The following FBN2 variants were observed in gnomAD, a reference collection of about 807,000 sequenced individuals.
FBN2 encodes fibrillin 2.
In FBN2, 105 loss-of-function variants were observed where a neutral mutation model predicts 355.6. That is an observed-to-expected ratio of 0.30 (90% CI 0.25 to 0.35). The LOEUF (loss-of-function observed/expected upper bound fraction) is 0.35. Ranked by LOEUF, FBN2 falls within the 10% of genes least tolerant of loss-of-function variation. FBN2 has a pLI of 1.00. For synonymous variants in FBN2, 1,350 were observed against 1,301.2 expected (o/e 1.04, Z -0.81); for missense variants, 3,280 against 3,758.7 (o/e 0.87, Z 3.33).
intron 25 of FBN2, among the ~76,000 whole-genome samples, chr5:128,342,800 C>T (rs1382955874): frequency 6.6e-6 from 1 of 151,692 alleles, no homozygotes; most frequent in East Asian, 1.9e-4. Context: ...ACGATCTCGG[C>T]TCACCAAAAC....
At chr5:128,446,725 AGT>A (rs1271931727) in intron 6 of FBN2, 119 bp from the exon 7 acceptor site, 10 of 1,062,458 alleles carry the variant, frequency 9.4e-6, no homozygotes, top group Non-Finnish European at 1.2e-5. Context: ...TTCTCAAGAG[AGT>A]GGGGTTAGAG....
intron 4 of FBN2, 117 bp downstream of exon 4, chr5:128,527,755 G>C: frequency 1.4e-6 from 1 of 734,450 alleles, no homozygotes. Context: ...TTAAGGTATG[G>C]TTTACTACAT....
rs769593495 is a variant in FBN2 at position 128,464,762 on chromosome 5, C to G, written c.788G>C (p.Arg263Pro). 1.2e-6 allele frequency: 2 copies of G among 1,613,926 alleles called. No individual in the cohort carries two copies. The highest frequency in any genetic ancestry group is 1.7e-6 in the Non-Finnish European group (2 of 1,180,012). Reference sequence around the variant, plus strand: ...AGTGCGGATGTTGGGGATGAAACCCCGTCGGCAGGGCTGAGGCTGGGCTGG... The same window carrying G: ...AGTGCGGATGTTGGGGATGAAACCCGGTCGGCAGGGCTGAGGCTGGGCTGG... ...MCPAQPQPCR[R>P]GFIPNIRTGA... is the part of the protein sequence containing the mutation. Residue 263 changes from arginine to proline, a missense_variant, in exon 6 of 65, where the codon CGG (arginine) becomes CCG (proline). Arg to Pro is a moderately radical substitution (Grantham distance 103, BLOSUM62 -2). Coordinates refer to ENST00000262464, the MANE Select transcript of FBN2 (RefSeq NM_001999.4).
intron 41 of FBN2, among the ~76,000 whole-genome samples, chr5:128,308,813 C>G (rs1185162818): frequency 6.6e-6 from 1 of 152,088 alleles, no homozygotes; most frequent in Admixed American, 6.6e-5. Context: ...ATAAAAAACA[C>G]TTTTTGCATA....
At chr5:128,376,387 A>G (rs1369898515) in intron 14 of FBN2, among the ~76,000 whole-genome samples, 3 of 152,230 alleles carry the variant, frequency 2.0e-5, no homozygotes, top group Non-Finnish European at 4.4e-5. Context: ...CTGAGAATGC[A>G]TAAAAAACAA....
intron 5 of FBN2, among the ~76,000 whole-genome samples, chr5:128,468,008 T>A (rs1015025704): frequency 3.9e-5 from 6 of 152,176 alleles, no homozygotes; most frequent in African/African-American, 1.4e-4. Flanking sequence ...AAGTGTAAAA[T>A]TCAATGGTTT....
intron 64 of FBN2, 42 bp from the exon 65 acceptor site, chr5:128,259,871 G>A: frequency 1.2e-6 from 2 of 1,608,620 alleles, no homozygotes; most frequent in Non-Finnish European, 1.7e-6. Flanking sequence ...AGCTTCTACA[G>A]CACAAGCAGA....
chr5:128,291,762 C>A, intron 48 of FBN2, 108 bp from the exon 49 acceptor site: 2 of 1,062,590 alleles, frequency 1.9e-6, no homozygotes, highest in South Asian at 2.6e-5. Flanking sequence ...AGAGATATTA[C>A]GTTGTATGTT....
chr5:128,470,844 C>T (rs1266365880), intron 5 of FBN2, among the ~76,000 whole-genome samples: 1 of 151,732 alleles, frequency 6.6e-6, no homozygotes, highest in Non-Finnish European at 1.5e-5. Flanking sequence ...TAGATTGTGC[C>T]CTGCATAACT....
At chr5:128,523,360 T>A (rs577023817) in intron 4 of FBN2, among the ~76,000 whole-genome samples, 40 of 152,178 alleles carry the variant, frequency 2.6e-4, no homozygotes, top group African/African-American at 9.1e-4. Flanking sequence ...CATCCTCATG[T>A]CCATTCTTTC....
At chr5:128,263,982 G>A (rs527507099) in intron 62 of FBN2, among the ~76,000 whole-genome samples, 1 of 152,124 alleles carries the variant, frequency 6.6e-6, no homozygotes, top group East Asian at 1.9e-4. Context: ...CTTATATCTC[G>A]GGCAAATCCT....
chr5:128,524,735 A>C (rs935880051), intron 4 of FBN2, among the ~76,000 whole-genome samples: 7 of 152,182 alleles, frequency 4.6e-5, no homozygotes, highest in Admixed American at 2.6e-4. Flanking sequence ...GTAATCTATT[A>C]GTTATCATAC....
chr5:128,443,487 T>C (rs1173370956), intron 7 of FBN2, among the ~76,000 whole-genome samples: 1 of 152,178 alleles, frequency 6.6e-6, no homozygotes, highest in Non-Finnish European at 1.5e-5. Context: ...AGAGGCTCTG[T>C]CCTGAAGGAT....
chr5:128,523,399 C>G (rs116773369), intron 4 of FBN2, among the ~76,000 whole-genome samples: 1,620 of 152,216 alleles, frequency 0.011, 33 homozygotes, highest in African/African-American at 0.036. Flanking sequence ...TTCTTTTCCT[C>G]TTCCCCATCT....
intron 5 of FBN2, among the ~76,000 whole-genome samples, chr5:128,496,134 C>T (rs1031995883): frequency 6.6e-6 from 1 of 152,100 alleles, no homozygotes; most frequent in Non-Finnish European, 1.5e-5. Flanking sequence ...CAATTTTTCA[C>T]AAACTTTTCC....
chr5:128,441,463 A>G lies in FBN2; in HGVS notation c.952+5018T>C, dbSNP rs553972834. The stretch of plus-strand genomic sequence containing the variant: ...TGTTTCTCATCCATATAATCCTAAG[A>G]AAGTTACTTGGCCTCTTTGTGCCTC... On this transcript the variant is annotated intron_variant, in intron 7 of 64. Transcript: ENST00000262464. 5.9e-5 allele frequency among the ~76,000 whole-genome samples: 9 copies of G among 152,310 alleles called. No individual in the cohort carries two copies. The East Asian group carries it at 1.7e-3, about 29-fold the overall frequency.
At chr5:128,364,787 C>T in intron 17 of FBN2, 62 bp from the exon 18 acceptor site, 2 of 1,426,056 alleles carry the variant, frequency 1.4e-6, no homozygotes, top group East Asian at 2.3e-5. Flanking sequence ...TTGATAAATG[C>T]AGGTCTAGTA....
Position 128,412,655 on chromosome 5 carries a change from A to G in FBN2, c.953-3856T>C, listed in dbSNP as rs1753101729. Among the ~76,000 whole-genome samples, 4 of 152,260 alleles carry G rather than the reference A, an allele frequency of 2.6e-5. No individual in the cohort carries two copies. The South Asian group carries it at 8.3e-4, about 31-fold the overall frequency. On this transcript the variant is annotated intron_variant, in intron 7 of 64. Transcript: ENST00000262464. ...ACAGTTGAAGAATGCACAGTGTACT[A>G]GAACAGCTGGGAAACTGATGGACAA...
intron 62 of FBN2, among the ~76,000 whole-genome samples, chr5:128,266,529 T>A (rs984975247): frequency 6.6e-6 from 1 of 152,176 alleles, no homozygotes; most frequent in East Asian, 1.9e-4. Context: ...ACCATCTTGA[T>A]TTTAAGTCAG....
Sources: gnomAD v4.1 joint callset for allele counts (sites outside exome capture counted in the v4.1 genomes callset) on GRCh38, gnomAD v4.1.1 for gene constraint, MANE v1.5 for transcripts, NCBI Gene and HGNC (gene_info 2026-07-23, HGNC 2026-07-21) for gene names.